Variants in PPL observed in about 807,000 individuals in gnomAD.
PPL encodes the protein 190 kDa paraneoplastic pemphigus antigen.
PPL carries 198 observed loss-of-function variants against 194.4 expected under a neutral mutation model. The observed-to-expected ratio is 1.02, with a 90% CI of 0.91 to 1.15. PPL has a LOEUF of 1.15. PPL is among the 50% of genes most tolerant of loss of function. The pLI, the probability that PPL is intolerant of heterozygous loss-of-function variation, is 0.00. For missense variants in PPL, 2,885 were observed against 2,294.8 expected, an observed-to-expected ratio of 1.26 and a Z score of -5.25; for synonymous variants, 1,220 against 972.4, an observed-to-expected ratio of 1.25 and a Z score of -4.74.
rs1174828091 is a variant in PPL at position 4,885,867 on chromosome 16, C to G, written c.2788G>C (p.Glu930Gln). The G allele has an allele frequency of 1.6e-5, 25 of 1,608,580 alleles. No homozygotes were observed. In the East Asian group the frequency reaches 5.6e-4, roughly 36 times the overall value. The part of the protein sequence containing the change: ...IWTLRNQGPQ[E>Q]SVVRKEVLKK... ...AGCACCTCCTTCCTCACCACCGATT[C>G]CTGAGGCCCCTGATTCCTCAAGGTC... is the stretch of plus-strand genomic sequence containing the variant. The change falls in exon 22 of 22, where the codon GAA (glutamate) becomes CAA (glutamine). Residue 930 changes from glutamate (E) to glutamine (Q), a missense_variant. By Grantham distance (29) the Glu-to-Gln change is conservative. Transcript: ENST00000345988. The surrounding 1 kb of genome is among the most constrained non-coding windows in gnomAD (Gnocchi z 6.3).
chr16:4,917,797 G>A (rs2088954607), intron 1 of PPL, among the ~76,000 whole-genome samples: 1 of 152,096 alleles, frequency 6.6e-6, no homozygotes, highest in African/African-American at 2.4e-5. Context: ...GGATACTCGG[G>A]AGGCTGAGGT....
rs57933525 is a variant in PPL at position 4,891,436 on chromosome 16, CTT to C, written c.1968+373_1968+374del. 679 of 113,686 alleles carry C rather than the reference CTT, an allele frequency of 6.0e-3. 3 individuals are homozygous for C. The highest frequency in any genetic ancestry group is 9.2e-3 in the Middle Eastern group (2 of 218). 7.0% of individuals were successfully genotyped at this position (113,686 alleles called of 1,614,324 possible). On this transcript the variant is annotated intron_variant, in intron 16 of 21. Coordinates refer to ENST00000345988, the MANE Select transcript of PPL (RefSeq NM_002705.5). Reference sequence around the variant, plus strand: ...AACATGGATTGTTATGTGCTTTATGCTTTTTTTTTTTTTTTTTTTTTTTTAAG... The same window carrying C: ...AACATGGATTGTTATGTGCTTTATGCTTTTTTTTTTTTTTTTTTTTTTAAG...
At chr16:4,924,447 GTC>G (rs2089117952) in intron 1 of PPL, among the ~76,000 whole-genome samples, 1 of 152,188 alleles carries the variant, frequency 6.6e-6, no homozygotes, top group Non-Finnish European at 1.5e-5. Flanking sequence ...AGTGACCACA[GTC>G]TCTCAGTTCT....
chr16:4,894,409 C>T lies in PPL; in HGVS notation c.1394+58G>A, dbSNP rs76477850. ...CAAATCCCCGGGGCTATGAATGGGG[C>T]CTGAGAAGCCCTGGGGGTGGGACTG... is the stretch of plus-strand genomic sequence containing the variant. On this transcript the variant is annotated intron_variant, in intron 12 of 21. Coordinates refer to ENST00000345988, the MANE Select transcript of PPL (RefSeq NM_002705.5). 4.0e-4 allele frequency: 631 copies of T among 1,588,362 alleles called. 4 individuals are homozygous for T. In the East Asian group the frequency reaches 0.012, roughly 30 times the overall value.
At chr16:4,906,908 T>C (rs1386483934) in intron 2 of PPL, among the ~76,000 whole-genome samples, 2 of 152,120 alleles carry the variant, frequency 1.3e-5, no homozygotes, top group East Asian at 3.9e-4. Flanking sequence ...TGTAGACACT[T>C]CTCTAGAGTT....
intron 3 of PPL, among the ~76,000 whole-genome samples, chr16:4,903,430 G>A (rs772950190): frequency 1.3e-5 from 2 of 152,212 alleles, no homozygotes; most frequent in Non-Finnish European, 2.9e-5. Context: ...GGCTGGGCGC[G>A]GTGGCTCACA....
intron 2 of PPL, among the ~76,000 whole-genome samples, chr16:4,905,940 T>TAAAAA (rs1423230460): frequency 2.0e-5 from 3 of 152,098 alleles, no homozygotes; most frequent in Non-Finnish European, 4.4e-5. Context: ...CCCCATTTAT[T>TAAAAA]AAAAAATATT....
rs1051386040 is a variant in PPL, at chr16:4,885,339, C to T, written c.3316G>A (p.Ala1106Thr). ...ACGGTGATCTTGCCCTCGGCCATGG[C>T]CCGCTCCTTCTCTAGCCTCTTGAGC... Reference protein sequence around the residue: ...DKLKRLEKERAMAEGKITVKE... With the variant: ...DKLKRLEKERTMAEGKITVKE... Residue 1106 changes from alanine to threonine, a missense_variant, in exon 22 of 22, where the codon GCC (alanine) becomes ACC (threonine). Coordinates refer to ENST00000345988, the MANE Select transcript of PPL (RefSeq NM_002705.5). This position sits in a 1 kb window ranked among gnomAD's most constrained non-coding sequence, Gnocchi z 6.3. 1 of 1,612,764 alleles carries T rather than the reference C, an allele frequency of 6.2e-7. No homozygotes were observed. The highest frequency in any genetic ancestry group is 8.5e-7 in the Non-Finnish European group (1 of 1,179,990).
chr16:4,903,591 A>AT (rs2088620482), intron 3 of PPL, among the ~76,000 whole-genome samples: 1 of 152,000 alleles, frequency 6.6e-6, no homozygotes, highest in African/African-American at 2.4e-5. Context: ...ATGGTGGTGC[A>AT]TGCCTGTAAT....
rs368126836 is a variant in PPL at position 4,903,963 on chromosome 16, C to A, written c.240G>T (p.Lys80Asn). The change falls in exon 3 of 22, where the codon AAG becomes AAT. Residue 80 changes from lysine to asparagine, a missense_variant. Transcript: ENST00000345988. ...CATCCGCCTCTAGCACATAGAGCAG[C>A]TTCTCAGAGTCCAACACCTTCTGCA... is the stretch of plus-strand genomic sequence containing the variant. ...VTLQKVLDSEKLLYVLEADAA... is the reference protein window; with the variant it reads ...VTLQKVLDSENLLYVLEADAA... 6.2e-7 allele frequency: 1 copy of A among 1,613,914 alleles called. No individual in the cohort carries two copies. Among genetic ancestry groups the A allele is most frequent in the African/African-American group, 1.3e-5 (1 of 74,936 alleles).
At chr16:4,905,349 G>C (rs2088661278) in intron 2 of PPL, among the ~76,000 whole-genome samples, 3 of 152,194 alleles carry the variant, frequency 2.0e-5, no homozygotes, top group Admixed American at 6.5e-5. Context: ...AGCCCACATG[G>C]TGTGGGATCC....
Position 4,883,475 on chromosome 16 carries a change from C to T in PPL, c.5180G>A (p.Ser1727Asn). Reference sequence around the variant, plus strand: ...ATACTGAGCAGGGGTCAGCCTGCCACTCTGCAGGGCCTCTTCGATGGAGAA... The same window carrying T: ...ATACTGAGCAGGGGTCAGCCTGCCATTCTGCAGGGCCTCTTCGATGGAGAA... ...KKFSIEEALQ[S>N]GRLTPAQYDR... is the part of the protein sequence containing the mutation. Residue 1727 changes from serine (S) to asparagine (N), a missense_variant, in exon 22 of 22, where the codon AGT (serine) becomes AAT (asparagine). Transcript: ENST00000345988. The surrounding 1 kb of genome is among the most constrained non-coding windows in gnomAD (Gnocchi z 4.8). 1 of 1,614,220 alleles carries T rather than the reference C, an allele frequency of 6.2e-7. No homozygotes were observed. The highest frequency in any genetic ancestry group is 8.5e-7 in the Non-Finnish European group (1 of 1,180,044).
At position 4,884,619 on chromosome 16, in the gene PPL, C is replaced by T; in HGVS notation, c.4036G>A (p.Val1346Met). The T allele has an allele frequency of 1.2e-6, 2 of 1,614,150 alleles. No individual in the cohort carries two copies. The highest frequency in any genetic ancestry group is 1.7e-6 in the Non-Finnish European group (2 of 1,180,028). ...TCCTGCTGCACCACCCTTTCCTTCA[C>T]CCGCGAGAGCTCCTCCTCTTTCCGG... Reference protein sequence around the residue: ...IARKEEELSRVKERVVQQEVV... With the variant: ...IARKEEELSRMKERVVQQEVV... Residue 1346 changes from valine to methionine, a missense_variant, in exon 22 of 22, where the codon GTG becomes ATG. Val to Met is a conservative substitution (Grantham distance 21, BLOSUM62 1). Coordinates refer to ENST00000345988, the MANE Select transcript of PPL (RefSeq NM_002705.5). This position sits in a 1 kb window ranked among gnomAD's most constrained non-coding sequence, Gnocchi z 5.7.
In PPL at chr16:4,900,888, G is replaced by A. The variant is rs912597331; in HGVS notation, c.565-17C>T. The A allele has an allele frequency of 1.2e-6, 2 of 1,614,102 alleles. No individual in the cohort carries two copies. Among genetic ancestry groups the A allele is most frequent in the Non-Finnish European group, 8.5e-7 (1 of 1,180,024 alleles). On this transcript the variant is annotated splice_polypyrimidine_tract_variant and intron_variant, in intron 5 of 21. Coordinates refer to ENST00000345988, the MANE Select transcript of PPL (RefSeq NM_002705.5). ...GTTCTGCTCCTGAGGACAGAGCCGAGGGCATGGGTCAGGGCCAGGAAGCAG... is the reference window on the plus strand; with the variant it reads ...GTTCTGCTCCTGAGGACAGAGCCGAAGGCATGGGTCAGGGCCAGGAAGCAG...
rs769025256 is a variant in PPL at position 4,900,808 on chromosome 16, TTTC to T, written c.606+19_606+21del. 1 of 1,614,076 alleles carries T rather than the reference TTTC, an allele frequency of 6.2e-7. No homozygotes were observed. The highest frequency in any genetic ancestry group is 1.1e-5 in the South Asian group (1 of 91,078). Reference sequence around the variant, plus strand: ...CATCCTCTCCTCTCCCCATGAGGCCTTTCCCCCAGGGAGCTCCTCACCAGCAGT... The same window carrying T: ...CATCCTCTCCTCTCCCCATGAGGCCTCCCCAGGGAGCTCCTCACCAGCAGT... On this transcript the variant is annotated intron_variant, in intron 6 of 21. Transcript: ENST00000345988.
intron 4 of PPL, among the ~76,000 whole-genome samples, chr16:4,901,586 G>T (rs944528168): frequency 5.9e-5 from 9 of 152,040 alleles, no homozygotes; most frequent in African/African-American, 1.9e-4. Context: ...CTACTTGAGA[G>T]GCTGAGGTGG....
intron 2 of PPL, among the ~76,000 whole-genome samples, chr16:4,909,237 C>T (rs915700398): frequency 7.2e-5 from 11 of 152,164 alleles, no homozygotes; most frequent in African/African-American, 2.7e-4. Flanking sequence ...CCCACCCCAG[C>T]CCACCTACCC....
rs757106157 is a variant in PPL, at chr16:4,883,707, G to A, written c.4948C>T (p.Arg1650Trp). Residue 1650 changes from arginine to tryptophan, a missense_variant, in exon 22 of 22, where the codon CGG becomes TGG. Arg to Trp is a moderately radical substitution (Grantham distance 101). Coordinates refer to ENST00000345988, the MANE Select transcript of PPL (RefSeq NM_002705.5). The surrounding 1 kb of genome is among the most constrained non-coding windows in gnomAD (Gnocchi z 4.8). ...ATGGAGCGCCGCAGGTGGTTCTCCC[G>A]CTGCTCCCGCTTGACGGCCACGGAG... is the stretch of plus-strand genomic sequence containing the variant. ...LGSVAVKREQ[R>W]ENHLRRSIVV... 25 of 1,613,960 alleles carry A rather than the reference G, an allele frequency of 1.5e-5. No homozygotes were observed. Among genetic ancestry groups the A allele is most frequent in the South Asian group, 1.5e-4 (14 of 91,082 alleles).
intron 2 of PPL, among the ~76,000 whole-genome samples, chr16:4,910,584 T>C (rs2088799192): frequency 6.6e-6 from 1 of 152,078 alleles, no homozygotes; most frequent in African/African-American, 2.4e-5. Context: ...AATGGCCAGG[T>C]TCCTCTCACA....
Sources: gnomAD v4.1 joint callset for allele counts (sites outside exome capture counted in the v4.1 genomes callset) on GRCh38, gnomAD v4.1.1 for gene constraint, Gnocchi (gnomAD v3.1) non-coding constraint, MANE v1.5 for transcripts, NCBI Gene and HGNC (gene_info 2026-07-23, HGNC 2026-07-21) for gene names.